PRKG1: variants seen among roughly 807,000 people sequenced by gnomAD.
PRKG1 encodes the protein protein kinase cGMP-dependent 1, also known as cGMP-dependent protein kinase 1.
PRKG1 carries 35 observed loss-of-function variants against 88.1 expected under a neutral mutation model. That is an observed-to-expected ratio of 0.40 (90% CI 0.30 to 0.53). The LOEUF is 0.53. Among genes scored for constraint, PRKG1 ranks in the 20% least tolerant of loss-of-function variants. The probability of loss-of-function intolerance (pLI) is 0.59; values close to 1 mark genes in which losing one functional copy is unlikely to be tolerated. For synonymous variants in PRKG1, 303 were observed against 292.5 expected, an observed-to-expected ratio of 1.04 and a Z score of -0.37; for missense variants, 540 against 839.8, an observed-to-expected ratio of 0.64 and a Z score of 4.41.
rs569232065 is a variant in PRKG1, at chr10:52,068,821, TG to T, written c.935+6191del. Among the ~76,000 whole-genome samples, 59 of 152,366 alleles carry T rather than the reference TG, an allele frequency of 3.9e-4. 1 individual carries two copies. In the East Asian group the frequency reaches 0.011, roughly 27 times the overall value. ...ACTTTCAGCAAGCCAGTTAAGCTCC[TG>T]TAAACTAAGCCAATTGAACTAGGTG... On this transcript the variant is annotated intron_variant, in intron 7 of 17. Coordinates refer to ENST00000373980, the MANE Select transcript of PRKG1 (RefSeq NM_006258.4).
chr10:51,458,521 A>C (rs1839655287), intron 2 of PRKG1, among the ~76,000 whole-genome samples: 1 of 152,070 alleles, frequency 6.6e-6, no homozygotes, highest in Non-Finnish European at 1.5e-5. Context: ...GCTTCATCAC[A>C]CACAAAGATC....
At chr10:51,117,040 C>T (rs1025930456) in intron 1 of PRKG1, among the ~76,000 whole-genome samples, 2 of 152,052 alleles carry the variant, frequency 1.3e-5, no homozygotes, top group African/African-American at 4.8e-5. Flanking sequence ...TTTTAGTTAA[C>T]CTGTACATGA....
At chr10:51,767,908 C>T (rs1484757141) in intron 3 of PRKG1, among the ~76,000 whole-genome samples, 1 of 151,678 alleles carries the variant, frequency 6.6e-6, no homozygotes, top group Non-Finnish European at 1.5e-5. Context: ...AAATAAAAGA[C>T]AGATAATCAA....
chr10:51,957,812 A>G (rs1447975381), intron 5 of PRKG1, among the ~76,000 whole-genome samples: 1 of 152,146 alleles, frequency 6.6e-6, no homozygotes, highest in Non-Finnish European at 1.5e-5. Context: ...TTGTAACTTC[A>G]CCTGTAATAG....
intron 4 of PRKG1, among the ~76,000 whole-genome samples, chr10:51,823,764 T>C (rs568969506): frequency 6.6e-6 from 1 of 151,520 alleles, no homozygotes; most frequent in East Asian, 1.9e-4. Context: ...TAGTATTCCA[T>C]AGAAATGTTG....
intron 3 of PRKG1, among the ~76,000 whole-genome samples, chr10:51,712,651 G>T (rs1378706583): frequency 1.5e-5 from 2 of 136,528 alleles, no homozygotes; most frequent in African/African-American, 5.6e-5. Context: ...GTGCAGTGGC[G>T]CAGTCTCGGC....
At chr10:51,424,947 G>T (rs934799762) in intron 2 of PRKG1, among the ~76,000 whole-genome samples, 14 of 152,038 alleles carry the variant, frequency 9.2e-5, no homozygotes, top group African/African-American at 3.4e-4. Context: ...TTTCCTGATT[G>T]ATTCTTTAAT....
chr10:52,068,202 CAAAAAAAAAA>C (rs71032621), intron 7 of PRKG1, among the ~76,000 whole-genome samples: 2 of 38,848 alleles, frequency 5.1e-5, no homozygotes, highest in African/African-American at 1.9e-4. Flanking sequence ...AACTCCGTCT[CAAAAAAAAAA>C]AAAAAAAAAA....
At chr10:51,540,061 G>A (rs1842262182) in intron 3 of PRKG1, among the ~76,000 whole-genome samples, 1 of 152,122 alleles carries the variant, frequency 6.6e-6, no homozygotes, top group African/African-American at 2.4e-5. Flanking sequence ...TTTGCCACCT[G>A]GCTCAAGAGT....
At chr10:51,848,389 C>T (rs144055631) in intron 4 of PRKG1, among the ~76,000 whole-genome samples, 18 of 152,148 alleles carry the variant, frequency 1.2e-4, no homozygotes, top group African/African-American at 4.1e-4. Context: ...TTATGGTTCC[C>T]GCACCCGTCT....
At chr10:51,366,956 T>A (rs899216488) in intron 2 of PRKG1, among the ~76,000 whole-genome samples, 2 of 151,930 alleles carry the variant, frequency 1.3e-5, no homozygotes, top group Admixed American at 1.3e-4. Context: ...AGTGTTGTAA[T>A]CCAGGTGTCT....
At chr10:52,039,356 C>CA (rs1673719772) in intron 5 of PRKG1, among the ~76,000 whole-genome samples, 1 of 151,916 alleles carries the variant, frequency 6.6e-6, no homozygotes. Context: ...CAGGATGAGC[C>CA]AGGAAAAGGA....
chr10:51,574,118 G>A (rs893217514), intron 3 of PRKG1, among the ~76,000 whole-genome samples: 1 of 151,930 alleles, frequency 6.6e-6, no homozygotes, highest in African/African-American at 2.4e-5. Flanking sequence ...GGAAGAGAAA[G>A]CATCTGGATT....
At chr10:51,458,462 G>T (rs1015586022) in intron 2 of PRKG1, among the ~76,000 whole-genome samples, 1 of 151,204 alleles carries the variant, frequency 6.6e-6, no homozygotes, top group Non-Finnish European at 1.5e-5. Context: ...GATATGGTAT[G>T]AATTAAATAA....
In PRKG1 at chr10:51,494,379, A is replaced by G. The variant is rs550072002; in HGVS notation, c.592+26543A>G. On this transcript the variant is annotated intron_variant, in intron 3 of 17. Coordinates refer to ENST00000373980, the MANE Select transcript of PRKG1 (RefSeq NM_006258.4). ...AAGAAAAAGGAGCTCATTTTAAAAA[A>G]TGGGTAACTATTGCCAGTATCTGTT... Among the ~76,000 whole-genome samples the G allele has an allele frequency of 3.9e-5, 6 of 152,384 alleles. No homozygotes were observed. The South Asian group carries it at 1.2e-3, about 32-fold the overall frequency.
At chr10:51,453,674 C>T (rs909133601) in intron 2 of PRKG1, among the ~76,000 whole-genome samples, 11 of 151,938 alleles carry the variant, frequency 7.2e-5, no homozygotes, top group Admixed American at 2.0e-4. Context: ...TGAGAGGACA[C>T]TTGATATAAT....
intron 2 of PRKG1, among the ~76,000 whole-genome samples, chr10:51,353,536 G>A (rs1345516928): frequency 2.0e-5 from 3 of 152,088 alleles, no homozygotes; most frequent in Admixed American, 6.6e-5. Flanking sequence ...ATGGCAAACA[G>A]GCATATGAAA....
intron 2 of PRKG1, among the ~76,000 whole-genome samples, chr10:51,393,174 C>T (rs1837481276): frequency 6.6e-6 from 1 of 150,678 alleles, no homozygotes; most frequent in Non-Finnish European, 1.5e-5. Flanking sequence ...TCCTCACCTC[C>T]CAGACGGGGT....
At chr10:51,090,579 A>T (rs1336401903) in intron 1 of PRKG1, among the ~76,000 whole-genome samples, 1 of 152,196 alleles carries the variant, frequency 6.6e-6, no homozygotes, top group African/African-American at 2.4e-5. Flanking sequence ...AAACCATGTT[A>T]AAAAAATCAT....
Sources: gnomAD v4.1 joint callset for allele counts (sites outside exome capture counted in the v4.1 genomes callset) on GRCh38, gnomAD v4.1.1 for gene constraint, MANE v1.5 for transcripts, NCBI Gene and HGNC (gene_info 2026-07-23, HGNC 2026-07-21) for gene names.